The following CSMD2 variants were observed in gnomAD, a reference collection of about 807,000 sequenced individuals.
The protein encoded by CSMD2 is CUB and Sushi multiple domains 2, also known as CUB and sushi domain-containing protein 2.
Under a neutral mutation model 398.5 loss-of-function variants are expected in CSMD2, and 130 were observed. That is an observed-to-expected ratio of 0.33 (90% CI 0.28 to 0.38). The LOEUF (loss-of-function observed/expected upper bound fraction) is 0.38, where lower values mean the gene tolerates loss of function less well. CSMD2 is among the 10% of genes least tolerant of loss of function. The pLI, the probability that CSMD2 is intolerant of heterozygous loss-of-function variation, is 1.00. For synonymous variants in CSMD2, 1,828 were observed against 1,908.5 expected, an observed-to-expected ratio of 0.96 and a Z score of 1.10; for missense variants, 3,829 against 4,764.9, an observed-to-expected ratio of 0.80 and a Z score of 5.78.
rs765311464 is a variant in CSMD2 at position 33,714,618 on chromosome 1, G to A, written c.3375C>T (p.Arg1125=). 6.2e-7 allele frequency: 1 copy of A among 1,613,914 alleles called. No individual in the cohort carries two copies. The highest frequency in any genetic ancestry group is 2.2e-5 in the East Asian group (1 of 44,870). ...ARITCLGGRR[R]LWSSPLPRCV... Reference sequence around the variant, plus strand: ...ACCTTGGCAGAGGCGAGCTCCACAGGCGCCGTCTGCCCCCCAGGCACGTGA... The same window carrying A: ...ACCTTGGCAGAGGCGAGCTCCACAGACGCCGTCTGCCCCCCAGGCACGTGA... Residue 1125 remains arginine, a synonymous_variant, in exon 21 of 71, where the codon CGC becomes CGT. Coordinates refer to ENST00000373381, the MANE Select transcript of CSMD2 (RefSeq NM_001281956.2).
chr1:33,726,824 G>A, intron 15 of CSMD2, 139 bp from the exon 16 acceptor site: 1 of 963,744 alleles, frequency 1.0e-6, no homozygotes, highest in South Asian at 2.0e-5. Flanking sequence ...TAAACTGTGA[G>A]TTTTGTCTAC....
At chr1:33,842,216 A>C (rs1341048490) in intron 6 of CSMD2, among the ~76,000 whole-genome samples, 1 of 152,172 alleles carries the variant, frequency 6.6e-6, no homozygotes, top group Non-Finnish European at 1.5e-5. Context: ...CTAACTAGCC[A>C]TGAGTCCAGT....
At chr1:33,632,098 TTAAC>T (rs1418672304) in intron 32 of CSMD2, among the ~76,000 whole-genome samples, 2 of 152,080 alleles carry the variant, frequency 1.3e-5, no homozygotes, top group East Asian at 1.9e-4. Context: ...GGACAACTGA[TTAAC>T]TATATTTGAA....
chr1:33,710,399 CTGAA>C (rs10632721), intron 21 of CSMD2, among the ~76,000 whole-genome samples: 8,007 of 151,916 alleles, frequency 0.053, 252 homozygotes, highest in East Asian at 0.069. Flanking sequence ...TAAATATTTA[CTGAA>C]TGAATGAATG....
At chr1:33,802,970 C>T (rs1164724634) in intron 10 of CSMD2, among the ~76,000 whole-genome samples, 2 of 152,174 alleles carry the variant, frequency 1.3e-5, no homozygotes, top group African/African-American at 4.8e-5. Flanking sequence ...CACAGCCTCA[C>T]CTCCCATCCA....
At chr1:33,657,565 G>T (rs1386567779) in intron 27 of CSMD2, among the ~76,000 whole-genome samples, 1 of 152,198 alleles carries the variant, frequency 6.6e-6, no homozygotes, top group East Asian at 1.9e-4. Flanking sequence ...GAGGCTGTGG[G>T]TGCCCTTCTA....
chr1:33,782,014 C>T (rs1264686200), intron 12 of CSMD2, among the ~76,000 whole-genome samples: 1 of 152,068 alleles, frequency 6.6e-6, no homozygotes, highest in African/African-American at 2.4e-5. Flanking sequence ...TGGAGTGCCA[C>T]CTGCCTGCCC....
chr1:33,724,713 G>T lies in CSMD2; in HGVS notation c.2696-9C>A. On this transcript the variant is annotated splice_polypyrimidine_tract_variant and intron_variant, in intron 17 of 70. Coordinates refer to ENST00000373381, the MANE Select transcript of CSMD2 (RefSeq NM_001281956.2). ...TGACTGCAGTGTTATAGCTGAAAGA[G>T]AGAGGCCACAGCTGGGACAGACAGC... 6.2e-7 allele frequency: 1 copy of T among 1,613,146 alleles called. No individual in the cohort carries two copies. Among genetic ancestry groups the T allele is most frequent in the Non-Finnish European group, 8.5e-7 (1 of 1,179,378 alleles).
chr1:34,126,707 G>T (rs777498969), intron 1 of CSMD2, among the ~76,000 whole-genome samples: 3 of 152,106 alleles, frequency 2.0e-5, no homozygotes, highest in Non-Finnish European at 4.4e-5. Flanking sequence ...ACTGATTCTC[G>T]CTGTCAGGGG....
intron 1 of CSMD2, among the ~76,000 whole-genome samples, chr1:34,133,874 T>C (rs911509654): frequency 6.6e-6 from 1 of 151,402 alleles, no homozygotes; most frequent in African/African-American, 2.4e-5. Context: ...ATTGAGACCA[T>C]CCTGGCCAAC....
Position 33,759,378 on chromosome 1 carries a change from T to A in CSMD2, c.1846+13191A>T, listed in dbSNP as rs1266459412. 2.1e-5 allele frequency among the ~76,000 whole-genome samples: 3 copies of A among 145,304 alleles called. No homozygotes were observed. In the Admixed American group the frequency reaches 2.1e-4, roughly 10 times the overall value. On this transcript the variant is annotated intron_variant, in intron 13 of 70. Transcript: ENST00000373381. ...TTTCTCTCTGTCACCCAGGCTAGAGTGCAGTGGCGCAATCTCTGCTCACTG... is the reference window on the plus strand; with the variant it reads ...TTTCTCTCTGTCACCCAGGCTAGAGAGCAGTGGCGCAATCTCTGCTCACTG...
At chr1:33,991,012 G>GTT (rs201996761) in intron 3 of CSMD2, among the ~76,000 whole-genome samples, 61 of 142,968 alleles carry the variant, frequency 4.3e-4, no homozygotes, top group South Asian at 3.3e-3. Flanking sequence ...GGTGTTTTGG[G>GTT]TTTTTTTTTT....
intron 1 of CSMD2, among the ~76,000 whole-genome samples, chr1:34,143,349 T>C (rs984375218): frequency 6.6e-6 from 1 of 152,176 alleles, no homozygotes; most frequent in Non-Finnish European, 1.5e-5. Context: ...CTACACTAAC[T>C]GCCCCCTAGA....
chr1:33,604,922 T>G (rs1024408914), intron 42 of CSMD2, among the ~76,000 whole-genome samples: 1 of 152,196 alleles, frequency 6.6e-6, no homozygotes, highest in Non-Finnish European at 1.5e-5. Flanking sequence ...CTGGATTAAC[T>G]CTACCTCTCT....
intron 2 of CSMD2, among the ~76,000 whole-genome samples, chr1:34,085,446 G>A (rs559227928): frequency 2.6e-5 from 4 of 151,722 alleles, no homozygotes; most frequent in African/African-American, 4.8e-5. Context: ...TGATAATCAC[G>A]TTTGCATTAT....
chr1:33,739,146 A>G lies in CSMD2; in HGVS notation c.2362T>C (p.Cys788Arg). 1 of 1,611,540 alleles carries G rather than the reference A, an allele frequency of 6.2e-7. No homozygotes were observed. Among genetic ancestry groups the G allele is most frequent in the Middle Eastern group, 1.7e-4 (1 of 5,986 alleles). ...SVVWNSAVLR[C>R]EAPCGGHLTS... ...CCAGCCTGCAGGCTCGTACCTTCAC[A>G]CCGCAGCACAGCGCTGTTCCAGACC... The change falls in exon 15 of 71, where the codon TGT (cysteine) becomes CGT (arginine). Residue 788 changes from cysteine (C) to arginine (R), a missense_variant. By Grantham distance (180) the Cys-to-Arg change is radical. Transcript: ENST00000373381.
At chr1:33,573,913 A>C (rs1659830286) in intron 49 of CSMD2, among the ~76,000 whole-genome samples, 1 of 152,158 alleles carries the variant, frequency 6.6e-6, no homozygotes, top group Admixed American at 6.6e-5. Flanking sequence ...TACTAGAAAG[A>C]GGGAAAAAAA....
At chr1:34,130,330 GA>G (rs1161630618) in intron 1 of CSMD2, among the ~76,000 whole-genome samples, 3 of 132,852 alleles carry the variant, frequency 2.3e-5, no homozygotes, top group African/African-American at 8.2e-5. Flanking sequence ...CGAACTGTTT[GA>G]AGATGGGAGA....
At chr1:33,889,894 C>T (rs1053344606) in intron 5 of CSMD2, among the ~76,000 whole-genome samples, 1 of 151,732 alleles carries the variant, frequency 6.6e-6, no homozygotes, top group Non-Finnish European at 1.5e-5. Context: ...ACGACTTTAA[C>T]GTTTTATTCT....
Sources: allele counts gnomAD v4.1 joint callset (sites outside exome capture counted in the v4.1 genomes callset), GRCh38; gene constraint gnomAD v4.1.1; transcripts MANE v1.5; gene names NCBI Gene and HGNC (gene_info 2026-07-23, HGNC 2026-07-21).